DDR2: variants seen among roughly 807,000 people sequenced by gnomAD.
DDR2 encodes discoidin domain receptor tyrosine kinase 2, also known as discoidin domain-containing receptor 2.
Under a neutral mutation model 94.9 loss-of-function variants are expected in DDR2, and 27 were observed. The ratio of observed to expected loss-of-function variants is 0.28; its 90% CI spans 0.21 to 0.39. DDR2 has a LOEUF of 0.39. Ranked by LOEUF, DDR2 falls within the 10% of genes least tolerant of loss-of-function variation. The pLI is 1.00. For missense variants in DDR2, 783 were observed against 1,076.0 expected (o/e 0.73, Z 3.81); for synonymous variants, 382 against 377.2 (o/e 1.01, Z -0.15).
chr1:162,703,607 G>A (rs1365570716), intron 2 of DDR2, among the ~76,000 whole-genome samples: 3 of 152,174 alleles, frequency 2.0e-5, no homozygotes, highest in Non-Finnish European at 2.9e-5. Flanking sequence ...GTGAATTCAT[G>A]AATATTTCTT....
At chr1:162,757,593 A>G (rs1022844077) in intron 7 of DDR2, among the ~76,000 whole-genome samples, 1 of 152,170 alleles carries the variant, frequency 6.6e-6, no homozygotes, top group African/African-American at 2.4e-5. Context: ...AAGAGGAGAA[A>G]TTGCTGTTCT....
At chr1:162,668,781 C>T (rs1210811751) in intron 2 of DDR2, among the ~76,000 whole-genome samples, 1 of 152,288 alleles carries the variant, frequency 6.6e-6, no homozygotes, top group Admixed American at 6.5e-5. Flanking sequence ...CCTAAGATTA[C>T]CTATGAATAT....
rs1657998788 is a variant in DDR2, at chr1:162,656,841, T to TTTTTTG, written c.-28+1472_-28+1473insGTTTTT. Among the ~76,000 whole-genome samples, 4 of 118,370 alleles carry TTTTTTG rather than the reference T, an allele frequency of 3.4e-5. No individual in the cohort carries two copies. The South Asian group carries it at 9.3e-4, about 27-fold the overall frequency. 77.7% of individuals were successfully genotyped at this position (118,370 alleles called of 152,430 possible). The stretch of plus-strand genomic sequence containing the variant: ...CTTCCCCTGCCACTGGAGTTTTTTT[T>TTTTTTG]TTTTTTTTATTTTTTTTGTTAACAG... On this transcript the variant is annotated intron_variant, in intron 2 of 17. Coordinates refer to ENST00000367921, the MANE Select transcript of DDR2 (RefSeq NM_006182.4).
rs189206909 is a variant in DDR2, at chr1:162,770,381, G to T, written c.1373G>T (p.Arg458Leu). The T allele has an allele frequency of 6.2e-7, 1 of 1,613,972 alleles. No homozygotes were observed. Among genetic ancestry groups the T allele is most frequent in the East Asian group, 2.2e-5 (1 of 44,878 alleles). ...PSDSSMFNNNRSSSPSEQGSN... is the reference protein window; with the variant it reads ...PSDSSMFNNNLSSSPSEQGSN... The stretch of plus-strand genomic sequence containing the variant: ...GATTCTAGCATGTTCAACAATAACC[G>T]CTCCTCATCACCTAGTGAACAAGGG... Residue 458 changes from arginine to leucine, a missense_variant, in exon 12 of 18, where the codon CGC becomes CTC. This residue lies in a region of DDR2 where 519 missense variants were observed against 647.9 expected (regional missense o/e 0.80). Coordinates refer to ENST00000367921, the MANE Select transcript of DDR2 (RefSeq NM_006182.4).
intron 3 of DDR2, among the ~76,000 whole-genome samples, chr1:162,746,304 G>A (rs1381986703): frequency 1.3e-5 from 2 of 152,192 alleles, no homozygotes; most frequent in African/African-American, 4.8e-5. Flanking sequence ...TTAGCAAACG[G>A]CACACCAGGA....
At chr1:162,712,947 A>G (rs1046090684) in intron 2 of DDR2, among the ~76,000 whole-genome samples, 2 of 152,178 alleles carry the variant, frequency 1.3e-5, no homozygotes, top group Non-Finnish European at 2.9e-5. Context: ...AAAGTCAGGT[A>G]AAGAAGCCAA....
At chr1:162,646,585 C>T (rs1657418973) in intron 1 of DDR2, among the ~76,000 whole-genome samples, 2 of 152,186 alleles carry the variant, frequency 1.3e-5, no homozygotes, top group African/African-American at 4.8e-5. Context: ...ATTGCAACGC[C>T]CAAGCCTTAC....
At chr1:162,637,048 ACT>A (rs1257499179) in intron 1 of DDR2, among the ~76,000 whole-genome samples, 1 of 151,908 alleles carries the variant, frequency 6.6e-6, no homozygotes, top group Non-Finnish European at 1.5e-5. Flanking sequence ...ATCCTGGTAA[ACT>A]CTGTCATAAT....
intron 3 of DDR2, among the ~76,000 whole-genome samples, chr1:162,728,186 A>ATATATATAGATAGATATATCTT (rs1308649341): frequency 1.9e-3 from 278 of 143,910 alleles, no homozygotes; most frequent in African/African-American, 6.9e-3. Context: ...ATCTCTTTAT[A>ATATATATAGATAGATATATCTT]TATATATAGA....
At chr1:162,702,204 A>G (rs1044275696) in intron 2 of DDR2, among the ~76,000 whole-genome samples, 1 of 152,036 alleles carries the variant, frequency 6.6e-6, no homozygotes, top group African/African-American at 2.4e-5. Context: ...GTTCTGAATC[A>G]TATTTTTCAT....
At chr1:162,775,590 TTC>T (rs1300313943) in intron 14 of DDR2, 60 bp from the exon 15 acceptor site, 1 of 1,577,008 alleles carries the variant, frequency 6.3e-7, no homozygotes, top group East Asian at 2.2e-5. Context: ...GTGTGCATTC[TTC>T]TCTCTCTTGA....
In DDR2 at chr1:162,634,708, A is replaced by G. The variant is rs143436341; in HGVS notation, c.-192+2077A>G. ...TTCTCCTCCACTGGCCTGGTTTGAT[A>G]TGATTCCTTGCCCAAAGCAGTGCAG... On this transcript the variant is annotated intron_variant, in intron 1 of 17. Transcript: ENST00000367921. Among the ~76,000 whole-genome samples, 232 of 152,338 alleles carry G rather than the reference A, an allele frequency of 1.5e-3. 4 individuals are homozygous for G. The highest frequency in any genetic ancestry group is 5.2e-3 in the African/African-American group (217 of 41,588).
At chr1:162,635,801 A>G (rs1656789484) in intron 1 of DDR2, among the ~76,000 whole-genome samples, 1 of 152,316 alleles carries the variant, frequency 6.6e-6, no homozygotes, top group East Asian at 1.9e-4. Context: ...ATTGGGAATC[A>G]GTACTTTGAA....
At chr1:162,778,260 C>T (rs1647699844) in intron 16 of DDR2, among the ~76,000 whole-genome samples, 1 of 152,194 alleles carries the variant, frequency 6.6e-6, no homozygotes, top group Non-Finnish European at 1.5e-5. Flanking sequence ...ACTTCCCATT[C>T]AGATTTTGCC....
rs1014861632 is a variant in DDR2 at position 162,782,724 on chromosome 1, G to T, written c.*2478G>T. ...TTATGATTCTGCACCAGTTCACTGG[G>T]TTATTCTATGATTCCATATTTTTTT... On this transcript the variant is annotated 3_prime_UTR_variant, in exon 18 of 18. Transcript: ENST00000367921. The T allele has an allele frequency of 1.3e-4, 20 of 151,818 alleles. No individual in the cohort carries two copies. Among genetic ancestry groups the T allele is most frequent in the African/African-American group, 4.1e-4 (17 of 41,254 alleles). 9.4% of individuals were successfully genotyped at this position (151,818 alleles called of 1,614,324 possible).
At chr1:162,706,813 A>T (rs1660682503) in intron 2 of DDR2, among the ~76,000 whole-genome samples, 1 of 152,190 alleles carries the variant, frequency 6.6e-6, no homozygotes, top group African/African-American at 2.4e-5. Flanking sequence ...AATCGCCTGG[A>T]ACAAACATAT....
chr1:162,766,526 T>G (rs1663995937), intron 10 of DDR2, among the ~76,000 whole-genome samples: 1 of 152,226 alleles, frequency 6.6e-6, no homozygotes, highest in Non-Finnish European at 1.5e-5. Context: ...AAAGAGGACT[T>G]TCAGCTACCT....
chr1:162,737,086 TTTTC>T (rs1366869578), intron 3 of DDR2, among the ~76,000 whole-genome samples: 54 of 152,128 alleles, frequency 3.5e-4, no homozygotes, highest in African/African-American at 1.3e-3. Flanking sequence ...CTCCTTTGCT[TTTTC>T]TTTCTTTCTT....
intron 2 of DDR2, among the ~76,000 whole-genome samples, chr1:162,657,040 A>G (rs551460046): frequency 9.2e-5 from 14 of 151,426 alleles, no homozygotes; most frequent in Admixed American, 3.3e-4. Context: ...GGGTCTCACT[A>G]TGTTGTCCAG....
Sources: gnomAD v4.1 joint callset for allele counts (sites outside exome capture counted in the v4.1 genomes callset) on GRCh38, gnomAD v4.1.1 for gene constraint, gnomAD v4.1.1 regional missense constraint, MANE v1.5 for transcripts, NCBI Gene and HGNC (gene_info 2026-07-23, HGNC 2026-07-21) for gene names.